DOCK1: variants seen among roughly 807,000 people sequenced by gnomAD.
DOCK1 encodes dedicator of cytokinesis protein 1.
DOCK1 carries 138 observed loss-of-function variants against 262.7 expected under a neutral mutation model. That is an observed-to-expected ratio of 0.53 (90% CI 0.46 to 0.61). The LOEUF is 0.61. DOCK1 is among the 20% of genes least tolerant of loss of function. The pLI, the probability that DOCK1 is intolerant of heterozygous loss-of-function variation, is 0.00. For missense variants in DOCK1, 1,908 were observed against 2,370.7 expected (o/e 0.80, Z 4.05); for synonymous variants, 866 against 867.4 (o/e 1.00, Z 0.03).
chr10:126,942,172 C>T (rs928552324), intron 1 of DOCK1, among the ~76,000 whole-genome samples: 28 of 152,138 alleles, frequency 1.8e-4, no homozygotes, highest in Non-Finnish European at 3.4e-4. Context: ...TACAGGCGCC[C>T]GCCACCACGC....
intron 14 of DOCK1, 65 bp downstream of exon 14, chr10:127,023,389 CTCTGCT>C (rs2042585739): frequency 1.3e-6 from 2 of 1,598,960 alleles, no homozygotes; most frequent in Non-Finnish European, 1.7e-6. Context: ...CTCACCTTGG[CTCTGCT>C]ACAGCATAGA....
intron 1 of DOCK1, among the ~76,000 whole-genome samples, chr10:126,942,652 T>A (rs988942589): frequency 6.6e-6 from 1 of 152,186 alleles, no homozygotes; most frequent in Admixed American, 6.5e-5. Flanking sequence ...CCCTGGGATC[T>A]GCGATGCAGC....
intron 27 of DOCK1, among the ~76,000 whole-genome samples, chr10:127,203,480 A>G (rs561147770): frequency 1.4e-4 from 21 of 152,316 alleles, no homozygotes; most frequent in African/African-American, 4.6e-4. Flanking sequence ...AGCGTGGCTC[A>G]TGGGTGATGT....
intron 27 of DOCK1, among the ~76,000 whole-genome samples, chr10:127,149,158 T>C (rs1372869657): frequency 6.6e-6 from 1 of 152,160 alleles, no homozygotes; most frequent in Non-Finnish European, 1.5e-5. Context: ...ATCCCTTGCA[T>C]AATTGTAAAA....
At chr10:127,261,314 T>A (rs2060094189) in intron 29 of DOCK1, among the ~76,000 whole-genome samples, 1 of 112,210 alleles carries the variant, frequency 8.9e-6, no homozygotes, top group Non-Finnish European at 1.8e-5. Flanking sequence ...TGTGTGTGCC[T>A]GCATGTGTGT....
intron 27 of DOCK1, among the ~76,000 whole-genome samples, chr10:127,189,653 G>A (rs1589853397): frequency 6.6e-6 from 1 of 152,208 alleles, no homozygotes; most frequent in Non-Finnish European, 1.5e-5. Flanking sequence ...GAGAAATGCA[G>A]TTATCATTGG....
At chr10:127,086,221 C>T (rs2047189039) in intron 23 of DOCK1, among the ~76,000 whole-genome samples, 2 of 149,758 alleles carry the variant, frequency 1.3e-5, no homozygotes, top group African/African-American at 4.9e-5. Flanking sequence ...CCCTGGAAAC[C>T]CCACCTCCCA....
chr10:127,425,836 T>G (rs1205664145), intron 46 of DOCK1, 38 bp from the exon 47 acceptor site: 1 of 1,613,436 alleles, frequency 6.2e-7, no homozygotes, highest in Admixed American at 1.7e-5. Context: ...TAGACCATTA[T>G]CCAAGAAATA....
At chr10:127,336,820 T>G (rs2063222406) in intron 29 of DOCK1, among the ~76,000 whole-genome samples, 1 of 152,206 alleles carries the variant, frequency 6.6e-6, no homozygotes, top group South Asian at 2.1e-4. Context: ...ATTACAGGCG[T>G]GAGCCACCGC....
chr10:126,948,483 G>C (rs1247541821), intron 1 of DOCK1, among the ~76,000 whole-genome samples: 1 of 151,958 alleles, frequency 6.6e-6, no homozygotes, highest in South Asian at 2.1e-4. Context: ...TTGCTGGTGA[G>C]GGTGATGAAG....
At chr10:126,956,849 T>C (rs2036780431) in intron 1 of DOCK1, among the ~76,000 whole-genome samples, 1 of 152,128 alleles carries the variant, frequency 6.6e-6, no homozygotes, top group Admixed American at 6.5e-5. Context: ...GTGGCCAGGC[T>C]GGTCTGCAGA....
chr10:126,950,928 T>C (rs1437938730), intron 1 of DOCK1, among the ~76,000 whole-genome samples: 1 of 152,052 alleles, frequency 6.6e-6, no homozygotes, highest in Non-Finnish European at 1.5e-5. Flanking sequence ...TGGTGGTTGG[T>C]AGTATTGCTG....
intron 29 of DOCK1, among the ~76,000 whole-genome samples, chr10:127,328,196 A>G (rs2062825271): frequency 6.6e-6 from 1 of 151,968 alleles, no homozygotes; most frequent in Admixed American, 6.6e-5. Context: ...TGACATGAGC[A>G]TGCTAAATGA....
At chr10:127,249,505 G>C (rs2059554012) in intron 28 of DOCK1, among the ~76,000 whole-genome samples, 1 of 151,786 alleles carries the variant, frequency 6.6e-6, no homozygotes, top group African/African-American at 2.4e-5. Context: ...TGCATCGTTA[G>C]GCAATTTCAT....
intron 27 of DOCK1, among the ~76,000 whole-genome samples, chr10:127,162,180 A>T (rs552967337): frequency 6.6e-6 from 1 of 152,226 alleles, no homozygotes; most frequent in East Asian, 1.9e-4. Flanking sequence ...AGTATTCTCC[A>T]TTTGTCTAGA....
intron 39 of DOCK1, 45 bp downstream of exon 39, chr10:127,403,189 A>C: frequency 5.8e-6 from 9 of 1,540,156 alleles, no homozygotes; most frequent in South Asian, 1.2e-5. Flanking sequence ...AGGCAATCTC[A>C]GCTGGTTTTT....
chr10:127,336,828 C>T (rs924394645), intron 29 of DOCK1, among the ~76,000 whole-genome samples: 17 of 152,162 alleles, frequency 1.1e-4, no homozygotes, highest in East Asian at 3.9e-4. Flanking sequence ...CGTGAGCCAC[C>T]GCGCCCAGCT....
At chr10:127,243,657 G>A (rs767678679) in intron 27 of DOCK1, among the ~76,000 whole-genome samples, 3 of 152,164 alleles carry the variant, frequency 2.0e-5, no homozygotes, top group Non-Finnish European at 4.4e-5. Flanking sequence ...GTGCGGGGAC[G>A]ACTTCTGTCC....
intron 27 of DOCK1, among the ~76,000 whole-genome samples, chr10:127,189,315 G>T (rs955228882): frequency 1.3e-5 from 2 of 152,174 alleles, no homozygotes; most frequent in Non-Finnish European, 2.9e-5. Context: ...GGAGTGAGTT[G>T]GGGTCCAGTC....
Sources: allele counts gnomAD v4.1 joint callset (sites outside exome capture counted in the v4.1 genomes callset), GRCh38; gene constraint gnomAD v4.1.1; transcripts MANE v1.5; gene names NCBI Gene and HGNC (gene_info 2026-07-23, HGNC 2026-07-21).